Variants in TBC1D16 observed in about 807,000 individuals in gnomAD.
TBC1D16 encodes the protein TBC1 domain family member 16, also known as CTD-2529O21.1.
TBC1D16 carries 58 observed loss-of-function variants against 74.7 expected under a neutral mutation model. The observed-to-expected ratio is 0.78, with a 90% CI of 0.63 to 0.97. The LOEUF (loss-of-function observed/expected upper bound fraction) is 0.97. Ranked by LOEUF, TBC1D16 falls within the 50% of genes least tolerant of loss-of-function variation. The pLI is 0.00. For synonymous variants in TBC1D16, 493 were observed against 474.7 expected (o/e 1.04, Z -0.50); for missense variants, 1,014 against 1,079.5 (o/e 0.94, Z 0.85).
chr17:80,000,922 T>C lies in TBC1D16; in HGVS notation c.779+9238A>G, dbSNP rs1212719518. ...GCCCCTTCTCTGCCTAGACATCATG[T>C]GTGAGCCAAACAGCCATGCCACAGT... On this transcript the variant is annotated intron_variant, in intron 3 of 11. Coordinates refer to ENST00000310924, the MANE Select transcript of TBC1D16 (RefSeq NM_019020.4). The surrounding 1 kb of genome is among the most constrained non-coding windows in gnomAD (Gnocchi z 4.1). Among the ~76,000 whole-genome samples, 1 of 152,200 alleles carries C rather than the reference T, an allele frequency of 6.6e-6. No individual in the cohort carries two copies. The highest frequency in any genetic ancestry group is 1.5e-5 in the Non-Finnish European group (1 of 68,040).
At chr17:79,978,047 C>G (rs937518887) in intron 3 of TBC1D16, among the ~76,000 whole-genome samples, 1 of 152,206 alleles carries the variant, frequency 6.6e-6, no homozygotes, top group East Asian at 1.9e-4. Context: ...AAGTGATGGG[C>G]GCACAGCCGG....
chr17:79,958,835 A>C (rs759731981), intron 3 of TBC1D16, among the ~76,000 whole-genome samples: 6 of 151,874 alleles, frequency 4.0e-5, no homozygotes, highest in Non-Finnish European at 7.4e-5. Context: ...GAGCAGGAAC[A>C]AGGTAAGAAT....
At chr17:79,997,286 T>G (rs2035309393) in intron 3 of TBC1D16, among the ~76,000 whole-genome samples, 1 of 151,964 alleles carries the variant, frequency 6.6e-6, no homozygotes. Flanking sequence ...GAGAGTGTAC[T>G]ATGCTTCTAT....
rs2034705248 is a variant in TBC1D16 at position 79,983,991 on chromosome 17, C to T, written c.779+26169G>A. On this transcript the variant is annotated intron_variant, in intron 3 of 11. Coordinates refer to ENST00000310924, the MANE Select transcript of TBC1D16 (RefSeq NM_019020.4). This position sits in a 1 kb window ranked among gnomAD's most constrained non-coding sequence, Gnocchi z 5.6. Reference sequence around the variant, plus strand: ...AAGGGATCCTCCCTCCTCAGCCTCCCTGAGTAGCTGGGACTACAGGCAGGC... The same window carrying T: ...AAGGGATCCTCCCTCCTCAGCCTCCTTGAGTAGCTGGGACTACAGGCAGGC... Among the ~76,000 whole-genome samples, 2 of 145,326 alleles carry T rather than the reference C, an allele frequency of 1.4e-5. No homozygotes were observed. The highest frequency in any genetic ancestry group is 2.1e-4 in the South Asian group (1 of 4,682).
At chr17:80,011,960 C>T (rs2035912179) in intron 2 of TBC1D16, among the ~76,000 whole-genome samples, 1 of 152,100 alleles carries the variant, frequency 6.6e-6, no homozygotes, top group East Asian at 1.9e-4. Flanking sequence ...TGATGTCACA[C>T]ACGGGGTTGC....
At chr17:80,025,030 C>CAA in intron 1 of TBC1D16, among the ~76,000 whole-genome samples, 1 of 3,924 alleles carries the variant, frequency 2.5e-4, no homozygotes, top group African/African-American at 7.1e-4. Flanking sequence ...ACCACAGATG[C>CAA]ACACATACCA....
At chr17:79,998,294 C>G (rs565888977) in intron 3 of TBC1D16, among the ~76,000 whole-genome samples, 1 of 151,420 alleles carries the variant, frequency 6.6e-6, no homozygotes, top group South Asian at 2.1e-4. Context: ...TGTCCTAGAG[C>G]TGGAATCATG....
intron 1 of TBC1D16, among the ~76,000 whole-genome samples, chr17:80,024,962 C>CCATG (rs2036499124): frequency 4.9e-5 from 7 of 141,888 alleles, no homozygotes; most frequent in Admixed American, 6.9e-5. Flanking sequence ...ACACACCACA[C>CCATG]ACACAACCCC....
intron 2 of TBC1D16, among the ~76,000 whole-genome samples, chr17:80,012,441 GGC>G (rs1427931520): frequency 6.6e-6 from 1 of 152,162 alleles, no homozygotes; most frequent in African/African-American, 2.4e-5. Flanking sequence ...CACTTATCAA[GGC>G]AGGGGGACAG....
intron 2 of TBC1D16, among the ~76,000 whole-genome samples, chr17:80,011,167 A>C (rs2035875843): frequency 6.6e-6 from 1 of 150,802 alleles, no homozygotes; most frequent in Non-Finnish European, 1.5e-5. Context: ...TCAGCTCCCG[A>C]GTAGCTGGGA....
chr17:80,033,370 T>C (rs2036839538), intron 1 of TBC1D16, among the ~76,000 whole-genome samples: 1 of 151,788 alleles, frequency 6.6e-6, no homozygotes, highest in African/African-American at 2.4e-5. Flanking sequence ...TGTTGTTGTT[T>C]GGGTTTTTTA....
chr17:80,031,423 T>C (rs1163181891), intron 1 of TBC1D16, among the ~76,000 whole-genome samples: 1 of 152,122 alleles, frequency 6.6e-6, no homozygotes, highest in African/African-American at 2.4e-5. Flanking sequence ...AACTAGGGCT[T>C]AGGGCATTCA....
chr17:79,989,811 AG>A (rs1312358137), intron 3 of TBC1D16, among the ~76,000 whole-genome samples: 1 of 152,160 alleles, frequency 6.6e-6, no homozygotes, highest in African/African-American at 2.4e-5. Context: ...ACTGGGGTCA[AG>A]GGGTGCGGAG....
rs1025807721 is a variant in TBC1D16, at chr17:80,009,213, C to G, written c.779+947G>C. Among the ~76,000 whole-genome samples, 3 of 152,372 alleles carry G rather than the reference C, an allele frequency of 2.0e-5. No homozygotes were observed. The highest frequency in any genetic ancestry group is 2.1e-4 in the South Asian group (1 of 4,828). ...CGAGCTCAACAGTTAATGACCTGCT[C>G]GCTGACTGATGTCGGCTCTTACTGT... On this transcript the variant is annotated intron_variant, in intron 3 of 11. Transcript: ENST00000310924. The surrounding 1 kb of genome is among the most constrained non-coding windows in gnomAD (Gnocchi z 5.4).
chr17:79,951,381 G>A (rs1351448277), intron 5 of TBC1D16, 69 bp downstream of exon 5: 2 of 1,563,190 alleles, frequency 1.3e-6, no homozygotes, highest in Non-Finnish European at 1.7e-6. Flanking sequence ...GGACCCAGGA[G>A]GGAGATGGGG....
At chr17:79,995,235 G>T (rs1383969533) in intron 3 of TBC1D16, among the ~76,000 whole-genome samples, 6 of 151,990 alleles carry the variant, frequency 3.9e-5, no homozygotes, top group Non-Finnish European at 5.9e-5. Flanking sequence ...AGGAGGCGGA[G>T]GTTGCAGTGA....
At chr17:79,999,719 T>TG (rs1382265386) in intron 3 of TBC1D16, among the ~76,000 whole-genome samples, 6 of 151,960 alleles carry the variant, frequency 3.9e-5, no homozygotes, top group African/African-American at 1.4e-4. Context: ...ATTTTAGTAC[T>TG]TTTTAGTAGA....
chr17:79,988,463 G>A lies in TBC1D16; in HGVS notation c.779+21697C>T, dbSNP rs1030164999. Among the ~76,000 whole-genome samples, 1 of 152,218 alleles carries A rather than the reference G, an allele frequency of 6.6e-6. No individual in the cohort carries two copies. ...GGGCGTATGCCCAAGGGGCAGAGGGGGCAGCAACCGGACGGAAGCTGCCCA... is the reference window on the plus strand; with the variant it reads ...GGGCGTATGCCCAAGGGGCAGAGGGAGCAGCAACCGGACGGAAGCTGCCCA... On this transcript the variant is annotated intron_variant, in intron 3 of 11. Transcript: ENST00000310924. This position sits in a 1 kb window ranked among gnomAD's most constrained non-coding sequence, Gnocchi z 5.7.
At position 79,943,747 on chromosome 17, in the gene TBC1D16, C is replaced by T. The variant is rs1216152837; in HGVS notation, c.1908+1161G>A. The T allele has an allele frequency of 4.7e-6, 5 of 1,061,470 alleles. No homozygotes were observed. The South Asian group carries it at 6.7e-5, about 14-fold the overall frequency. 65.8% of individuals were successfully genotyped at this position (1,061,470 alleles called of 1,614,324 possible). ...GGAATTCTGACTAGATCTCATTACA[C>T]TTGGGACACAGTAGGTGTCCATGGG... On this transcript the variant is annotated intron_variant, in intron 10 of 11. Coordinates refer to ENST00000310924, the MANE Select transcript of TBC1D16 (RefSeq NM_019020.4).
Sources: gnomAD v4.1 joint callset for allele counts (sites outside exome capture counted in the v4.1 genomes callset) on GRCh38, gnomAD v4.1.1 for gene constraint, Gnocchi (gnomAD v3.1) non-coding constraint, MANE v1.5 for transcripts, NCBI Gene and HGNC (gene_info 2026-07-23, HGNC 2026-07-21) for gene names.